Variants in DTWD2 observed in about 807,000 individuals in gnomAD.
DTWD2 encodes the protein tRNA-uridine aminocarboxypropyltransferase 2.
Under a neutral mutation model 31.8 loss-of-function variants are expected in DTWD2, and 39 were observed. The ratio of observed to expected loss-of-function variants is 1.22; its 90% CI spans 0.95 to 1.60. The LOEUF is 1.60. Ranked by LOEUF, DTWD2 falls within the 40% of genes most tolerant of loss-of-function variation. DTWD2 has a pLI of 0.00. For missense variants in DTWD2, 515 were observed against 381.5 expected (o/e 1.35, Z -2.92); for synonymous variants, 180 against 142.8 (o/e 1.26, Z -1.86).
chr5:118,940,432 C>T (rs767769367), intron 2 of DTWD2, among the ~76,000 whole-genome samples: 2 of 152,196 alleles, frequency 1.3e-5, no homozygotes, highest in Non-Finnish European at 2.9e-5. Context: ...TAAAATGCCA[C>T]AGTTGTTCCC....
chr5:118,910,349 A>T lies in DTWD2; in HGVS notation c.597+18188T>A, dbSNP rs898391596. Among the ~76,000 whole-genome samples the T allele has an allele frequency of 2.0e-5, 3 of 152,188 alleles. No individual in the cohort carries two copies. The East Asian group carries it at 5.8e-4, about 29-fold the overall frequency. On this transcript the variant is annotated intron_variant, in intron 4 of 5. Coordinates refer to ENST00000510708, the MANE Select transcript of DTWD2 (RefSeq NM_173666.4). ...CCACAAATCACTAGGACACCAACACAATTCTGCCAAGGTCTTTATTACTTT... is the reference window on the plus strand; with the variant it reads ...CCACAAATCACTAGGACACCAACACTATTCTGCCAAGGTCTTTATTACTTT...
At chr5:118,935,015 T>C (rs1029745968) in intron 3 of DTWD2, among the ~76,000 whole-genome samples, 40 of 152,126 alleles carry the variant, frequency 2.6e-4, no homozygotes, top group African/African-American at 9.4e-4. Flanking sequence ...CAGGGTGGGA[T>C]TAGTCACTGG....
chr5:118,859,318 G>A (rs1172819316), intron 4 of DTWD2, among the ~76,000 whole-genome samples: 3 of 151,902 alleles, frequency 2.0e-5, no homozygotes, highest in Non-Finnish European at 4.4e-5. Context: ...TCAGATTAAT[G>A]AGTTAATAAT....
At position 118,934,272 on chromosome 5, in the gene DTWD2, TAAAAA is replaced by T. The variant is rs397999089; in HGVS notation, c.404+4919_404+4923del. Among the ~76,000 whole-genome samples, 5 of 23,560 alleles carry T rather than the reference TAAAAA, an allele frequency of 2.1e-4. No homozygotes were observed. The Admixed American group carries it at 2.3e-3, about 11-fold the overall frequency. The allele number at this position is 23,560 out of a possible 152,430, so 15.5% of individuals were successfully genotyped here. ...CAACATAGTGAGACCTTGTCTCCAT[TAAAAA>T]AAAAAAAAAAAAAAAAAAAAAAAAG... On this transcript the variant is annotated intron_variant, in intron 3 of 5. Coordinates refer to ENST00000510708, the MANE Select transcript of DTWD2 (RefSeq NM_173666.4).
At chr5:118,987,112 T>C (rs572560720) in intron 1 of DTWD2, among the ~76,000 whole-genome samples, 13 of 152,320 alleles carry the variant, frequency 8.5e-5, no homozygotes, top group Admixed American at 5.9e-4. Flanking sequence ...CTTTGATTTA[T>C]ATTTGAAACA....
intron 1 of DTWD2, among the ~76,000 whole-genome samples, chr5:118,987,611 T>G (rs1194242624): frequency 6.6e-6 from 1 of 152,246 alleles, no homozygotes; most frequent in Non-Finnish European, 1.5e-5. Flanking sequence ...ATTGCTTGTT[T>G]GCTGGTTTAT....
At chr5:118,926,044 A>C (rs1181270185) in intron 4 of DTWD2, among the ~76,000 whole-genome samples, 1 of 152,132 alleles carries the variant, frequency 6.6e-6, no homozygotes, top group Non-Finnish European at 1.5e-5. Flanking sequence ...GCCAGCCTGG[A>C]CAACACAGTG....
At chr5:118,893,665 T>C (rs1195068514) in intron 4 of DTWD2, among the ~76,000 whole-genome samples, 1 of 152,020 alleles carries the variant, frequency 6.6e-6, no homozygotes, top group African/African-American at 2.4e-5. Flanking sequence ...CTTAAAACCC[T>C]TCCCAGAACT....
At chr5:118,887,122 A>T (rs1452766821) in intron 4 of DTWD2, among the ~76,000 whole-genome samples, 2 of 152,204 alleles carry the variant, frequency 1.3e-5, no homozygotes, top group Non-Finnish European at 2.9e-5. Flanking sequence ...ACTATATGGT[A>T]TAGTGGATAT....
At chr5:118,985,490 T>TATATATATATATATATA (rs1755403219) in intron 1 of DTWD2, among the ~76,000 whole-genome samples, 3 of 95,426 alleles carry the variant, frequency 3.1e-5, no homozygotes, top group Non-Finnish European at 4.4e-5. Flanking sequence ...ATGTGCATTT[T>TATATATATATATATATA]TATATATATA....
intron 1 of DTWD2, among the ~76,000 whole-genome samples, chr5:118,968,724 C>G (rs1291967330): frequency 6.6e-6 from 1 of 152,224 alleles, no homozygotes; most frequent in Non-Finnish European, 1.5e-5. Context: ...CACAGAGACC[C>G]AGGAATTTTG....
chr5:118,932,585 G>C (rs1753952017), intron 3 of DTWD2, among the ~76,000 whole-genome samples: 1 of 152,136 alleles, frequency 6.6e-6, no homozygotes, highest in South Asian at 2.1e-4. Flanking sequence ...TTAAAGAAGT[G>C]ATTAAGTTAA....
rs114137398 is a variant in DTWD2 at position 118,910,778 on chromosome 5, A to G, written c.597+17759T>C. Reference sequence around the variant, plus strand: ...ATTAAACAACAGAAGTTTATTGTTCACAGTTCGGGAGCAGAGTCTGAGAAG... The same window carrying G: ...ATTAAACAACAGAAGTTTATTGTTCGCAGTTCGGGAGCAGAGTCTGAGAAG... On this transcript the variant is annotated intron_variant, in intron 4 of 5. Coordinates refer to ENST00000510708, the MANE Select transcript of DTWD2 (RefSeq NM_173666.4). 3.3e-3 allele frequency among the ~76,000 whole-genome samples: 506 copies of G among 152,308 alleles called. 3 individuals carry two copies. Among genetic ancestry groups the G allele is most frequent in the African/African-American group, 0.012 (496 of 41,564 alleles).
intron 1 of DTWD2, among the ~76,000 whole-genome samples, chr5:118,966,076 ATAAAGATATCAGC>A (rs1754840696): frequency 2.0e-5 from 3 of 152,146 alleles, no homozygotes; most frequent in African/African-American, 7.2e-5. Flanking sequence ...TGAGAAACTC[ATAAAGATATCAGC>A]TACGGTTTGG....
chr5:118,840,909 T>C lies in DTWD2; in HGVS notation c.*8A>G, dbSNP rs573649012. On this transcript the variant is annotated 3_prime_UTR_variant, in exon 6 of 6. Transcript: ENST00000510708. ...GACAGTTAAGCTAGCACCAAAAGAA[T>C]AACTGTACTAAATTTTAACACTATT... is the stretch of plus-strand genomic sequence containing the variant. 1.2e-6 allele frequency: 2 copies of C among 1,611,472 alleles called. No individual in the cohort carries two copies. The highest frequency in any genetic ancestry group is 1.7e-6 in the Non-Finnish European group (2 of 1,178,524).
intron 1 of DTWD2, among the ~76,000 whole-genome samples, chr5:118,968,050 T>C (rs1580445224): frequency 6.6e-6 from 1 of 152,178 alleles, no homozygotes; most frequent in Non-Finnish European, 1.5e-5. Context: ...TTGCTAAAAA[T>C]ATAGTATTTT....
chr5:118,843,371 G>GAGGAAGGGAGGA (rs754423234), intron 5 of DTWD2, among the ~76,000 whole-genome samples: 4 of 143,638 alleles, frequency 2.8e-5, no homozygotes, highest in African/African-American at 8.2e-5. Context: ...GGGAGGAAGG[G>GAGGAAGGGAGGA]AGGAAGGAAG....
chr5:118,929,849 G>A lies in DTWD2; in HGVS notation c.405-1120C>T, dbSNP rs112729611. 4.5e-3 allele frequency among the ~76,000 whole-genome samples: 692 copies of A among 152,214 alleles called. 8 individuals are homozygous for A. Among genetic ancestry groups the A allele is most frequent in the African/African-American group, 0.016 (674 of 41,528 alleles). On this transcript the variant is annotated intron_variant, in intron 3 of 5. Transcript: ENST00000510708. ...TCTAGGAAATAATAACTGAAAGTCT[G>A]ACAACCTTAATGGTCTGAAAGAAAT...
chr5:118,912,664 C>G (rs751195884), intron 4 of DTWD2, among the ~76,000 whole-genome samples: 9 of 152,284 alleles, frequency 5.9e-5, no homozygotes, highest in Non-Finnish European at 1.2e-4. Context: ...AGGGCCTTCT[C>G]TTCTCCAGGT....
Sources: allele counts gnomAD v4.1 joint callset (sites outside exome capture counted in the v4.1 genomes callset), GRCh38; gene constraint gnomAD v4.1.1; transcripts MANE v1.5; gene names NCBI Gene and HGNC (gene_info 2026-07-23, HGNC 2026-07-21).